CEP128: variants seen among roughly 807,000 people sequenced by gnomAD.
The protein encoded by CEP128 is centrosomal protein 128kDa.
A neutral mutation model predicts 156.7 loss-of-function variants in CEP128; 132 were observed. The ratio of observed to expected loss-of-function variants is 0.84; its 90% confidence interval spans 0.73 to 0.97. The LOEUF (loss-of-function observed/expected upper bound fraction) is 0.97, where lower values mean the gene tolerates loss of function less well. CEP128 is among the 50% of genes least tolerant of loss of function. The pLI, the probability that CEP128 is intolerant of heterozygous loss-of-function variation, is 0.00. For synonymous variants in CEP128, 469 were observed against 448.9 expected (o/e 1.04, Z -0.57); for missense variants, 1,252 against 1,281.9 (o/e 0.98, Z 0.36).
chr14:80,950,662 A>G (rs1886443900), intron 2 of CEP128, among the ~76,000 whole-genome samples: 1 of 152,210 alleles, frequency 6.6e-6, no homozygotes, highest in African/African-American at 2.4e-5. Context: ...AATTTCAATT[A>G]GCCTAATAAG....
intron 19 of CEP128, among the ~76,000 whole-genome samples, chr14:80,634,355 G>A (rs1327317256): frequency 6.6e-6 from 1 of 152,066 alleles, no homozygotes; most frequent in Non-Finnish European, 1.5e-5. Context: ...ATTCCCGAAG[G>A]GCATTTCTGG....
At chr14:80,646,726 C>A (rs1048980788) in intron 19 of CEP128, among the ~76,000 whole-genome samples, 1 of 151,574 alleles carries the variant, frequency 6.6e-6, no homozygotes, top group Non-Finnish European at 1.5e-5. Context: ...AATGGATATA[C>A]ACAAATTTCC....
intron 19 of CEP128, among the ~76,000 whole-genome samples, chr14:80,587,895 G>C (rs1891885780): frequency 6.6e-6 from 1 of 152,114 alleles, no homozygotes; most frequent in South Asian, 2.1e-4. Context: ...TGGGAAGTTT[G>C]CTTTCATTTA....
intron 16 of CEP128, among the ~76,000 whole-genome samples, chr14:80,772,453 C>T (rs902512851): frequency 1.1e-4 from 16 of 152,176 alleles, no homozygotes; most frequent in African/African-American, 3.9e-4. Context: ...ATCCTGCTGA[C>T]AGCCACCTCC....
At chr14:80,620,124 T>G (rs1376462904) in intron 19 of CEP128, among the ~76,000 whole-genome samples, 3 of 151,904 alleles carry the variant, frequency 2.0e-5, no homozygotes, top group African/African-American at 7.3e-5. Context: ...AAACTCCGTC[T>G]TAAAAAAACA....
intron 20 of CEP128, among the ~76,000 whole-genome samples, chr14:80,561,917 T>C (rs1172773093): frequency 6.7e-6 from 1 of 148,196 alleles, no homozygotes; most frequent in African/African-American, 2.5e-5. Flanking sequence ...TATATATTTG[T>C]TTTGTTTTGT....
rs563226708 is a variant in CEP128, at chr14:80,919,687, T to C, written c.-15-3125A>G. On this transcript the variant is annotated intron_variant, in intron 2 of 24. Transcript: ENST00000555265. ...GAATTTAACTCTAAAGCAGAAAATCTTACTGGTATTAAAAAAAATTAAGAA... is the reference window on the plus strand; with the variant it reads ...GAATTTAACTCTAAAGCAGAAAATCCTACTGGTATTAAAAAAAATTAAGAA... Among the ~76,000 whole-genome samples the C allele has an allele frequency of 1.6e-3, 242 of 152,222 alleles. 1 individual carries two copies. The highest frequency in any genetic ancestry group is 5.7e-3 in the African/African-American group (236 of 41,538).
Position 80,707,141 on chromosome 14 carries a change from G to C in CEP128, c.2806+35934C>G, listed in dbSNP as rs117099895. ...ATTCTCATGATTCTTGGTATGGCAA[G>C]TGATTTTTAAAATCATATTCTAGAC... On this transcript the variant is annotated intron_variant, in intron 19 of 24. Coordinates refer to ENST00000555265, the MANE Select transcript of CEP128 (RefSeq NM_152446.5). Among the ~76,000 whole-genome samples the C allele has an allele frequency of 5.3e-5, 8 of 152,280 alleles. No individual in the cohort carries two copies. The East Asian group carries it at 1.4e-3, about 26-fold the overall frequency.
chr14:80,879,040 T>C (rs1209661000), intron 8 of CEP128, among the ~76,000 whole-genome samples: 1 of 152,184 alleles, frequency 6.6e-6, no homozygotes, highest in East Asian at 1.9e-4. Context: ...CTACCACAAA[T>C]TCCTTCAGCC....
intron 19 of CEP128, among the ~76,000 whole-genome samples, chr14:80,598,956 C>T (rs1326611171): frequency 1.3e-5 from 2 of 152,122 alleles, no homozygotes; most frequent in East Asian, 3.9e-4. Flanking sequence ...TGTTCTATAT[C>T]TTGACAATAT....
chr14:80,702,082 C>T (rs894149292), intron 19 of CEP128, among the ~76,000 whole-genome samples: 4 of 152,202 alleles, frequency 2.6e-5, no homozygotes, highest in Non-Finnish European at 5.9e-5. Context: ...GTTTTCTCAA[C>T]ATGGCAATTA....
intron 19 of CEP128, among the ~76,000 whole-genome samples, chr14:80,597,950 C>CAAAA (rs34001813): frequency 0.018 from 1,413 of 79,654 alleles, 49 homozygotes; most frequent in East Asian, 0.076. Flanking sequence ...TCCTCAGCTA[C>CAAAA]AAAAAAAAAA....
At chr14:80,668,050 T>TA (rs924336415) in intron 19 of CEP128, among the ~76,000 whole-genome samples, 1 of 152,142 alleles carries the variant, frequency 6.6e-6, no homozygotes, top group African/African-American at 2.4e-5. Flanking sequence ...TTTAAAAACT[T>TA]ACTATGTGCC....
chr14:80,819,640 A>G (rs1885059070), intron 13 of CEP128, among the ~76,000 whole-genome samples: 1 of 152,092 alleles, frequency 6.6e-6, no homozygotes, highest in African/African-American at 2.4e-5. Context: ...AAATGTCATT[A>G]CTTTGGGGAT....
At chr14:80,716,234 A>G (rs1566873584) in intron 19 of CEP128, among the ~76,000 whole-genome samples, 1 of 152,222 alleles carries the variant, frequency 6.6e-6, no homozygotes, top group Admixed American at 6.5e-5. Context: ...TTCACACACC[A>G]TATAATTTAT....
At chr14:80,602,263 T>G (rs1892610984) in intron 19 of CEP128, among the ~76,000 whole-genome samples, 1 of 152,174 alleles carries the variant, frequency 6.6e-6, no homozygotes, top group Non-Finnish European at 1.5e-5. Context: ...ATACCCCACC[T>G]TCAATAATAC....
chr14:80,779,078 C>T (rs917007806), intron 15 of CEP128, among the ~76,000 whole-genome samples: 1 of 152,192 alleles, frequency 6.6e-6, no homozygotes, highest in Admixed American at 6.5e-5. Flanking sequence ...GGTACAATAT[C>T]ATTAGGTTTT....
chr14:80,631,503 C>T (rs1185314998), intron 19 of CEP128, among the ~76,000 whole-genome samples: 3 of 151,984 alleles, frequency 2.0e-5, no homozygotes, highest in South Asian at 2.1e-4. Context: ...CATTAATATG[C>T]TTATTTCCAT....
At position 80,504,938 on chromosome 14, in the gene CEP128, G is replaced by T; in HGVS notation, c.3155C>A (p.Ser1052Tyr). Residue 1052 changes from serine (S) to tyrosine (Y), a missense_variant, in exon 24 of 25, where the codon TCT becomes TAT. Physicochemically the swap from Ser to Tyr is moderately radical, Grantham distance 144 (BLOSUM62 -2). Coordinates refer to ENST00000555265, the MANE Select transcript of CEP128 (RefSeq NM_152446.5). The part of the protein sequence containing the change: ...SSWQDHSRFL[S>Y]SPRFSYVNSF... ...GTTCACGTATGAAAATCTTGGACTA[G>T]ACAGGAAGCGACTGTGATCCTGCCA... 6.2e-7 allele frequency: 1 copy of T among 1,600,562 alleles called. No homozygotes were observed. Among genetic ancestry groups the T allele is most frequent in the Non-Finnish European group, 8.5e-7 (1 of 1,171,256 alleles).
Sources: gnomAD v4.1 joint callset for allele counts (sites outside exome capture counted in the v4.1 genomes callset) on GRCh38, gnomAD v4.1.1 for gene constraint, MANE v1.5 for transcripts, NCBI Gene and HGNC (gene_info 2026-07-23, HGNC 2026-07-21) for gene names.